The following TCTN3 variants were observed in gnomAD, a reference collection of about 807,000 sequenced individuals.
The protein encoded by TCTN3 is tectonic family member 3.
Under a neutral mutation model 71.3 loss-of-function variants are expected in TCTN3, and 57 were observed. That is an observed-to-expected ratio of 0.80 (90% CI 0.65 to 1.00). The LOEUF is 1.00. TCTN3 is among the 50% of genes least tolerant of loss of function. The pLI is 0.00. For synonymous variants in TCTN3, 258 were observed against 267.8 expected (o/e 0.96, Z 0.36); for missense variants, 696 against 719.9 (o/e 0.97, Z 0.38).
chr10:95,689,551 A>G (rs974060976), intron 3 of TCTN3, among the ~76,000 whole-genome samples: 2 of 152,220 alleles, frequency 1.3e-5, no homozygotes, highest in African/African-American at 4.8e-5. Context: ...GCTAAGAAAG[A>G]AGGTGAACTG....
Position 95,682,804 on chromosome 10 carries a change from C to T in TCTN3, c.1299G>A (p.Arg433=), listed in dbSNP as rs765253544. ...AGTGGCTGCAGTCTGCCTTCTTCAACCTATAATTAAACACCATGGAGGCTG... is the reference window on the plus strand; with the variant it reads ...AGTGGCTGCAGTCTGCCTTCTTCAATCTATAATTAAACACCATGGAGGCTG... ...GVNAISGCKL[R]LKKADCSHLQ... The change falls in exon 12 of 14, where the codon AGG becomes AGA. Residue 433 remains arginine, a splice_region_variant and synonymous_variant. Coordinates refer to ENST00000371217, the MANE Select transcript of TCTN3 (RefSeq NM_015631.6). 2.5e-6 allele frequency: 4 copies of T among 1,613,324 alleles called. 1 individual carries two copies. Among genetic ancestry groups the T allele is most frequent in the Middle Eastern group, 1.7e-4 (1 of 6,048 alleles).
intron 12 of TCTN3, among the ~76,000 whole-genome samples, chr10:95,681,611 T>A (rs1158131236): frequency 2.0e-5 from 3 of 152,212 alleles, no homozygotes; most frequent in Non-Finnish European, 4.4e-5. Flanking sequence ...AATGCAGTAC[T>A]CCAGGAGGAT....
rs527640694 is a variant in TCTN3, at chr10:95,664,187, G to A, written c.1704C>T (p.Phe568=). 1.5e-5 allele frequency: 25 copies of A among 1,614,178 alleles called. No individual in the cohort carries two copies. In the Admixed American group the frequency reaches 1.8e-4, roughly 12 times the overall value. Residue 568 remains phenylalanine (F), a synonymous_variant, in exon 14 of 14, where the codon TTC becomes TTT. Coordinates refer to ENST00000371217, the MANE Select transcript of TCTN3 (RefSeq NM_015631.6). ...ATGCCACTTTGAAGGGAAAGAAGTC[G>A]AATGGCCATTTCCAGTCCATTTTGG... ...GQPKMDWKWP[F]DFFPFKVAFS... is the part of the protein sequence containing the mutation.
At chr10:95,687,417 G>T in intron 4 of TCTN3, 62 bp from the exon 5 acceptor site, 1 of 1,521,080 alleles carries the variant, frequency 6.6e-7, no homozygotes, top group African/African-American at 1.4e-5. Flanking sequence ...CAACAGAAAA[G>T]AAAGAGTAGA....
chr10:95,663,980 G>A lies in TCTN3; in HGVS notation c.*87C>T, dbSNP rs1343793616. On this transcript the variant is annotated 3_prime_UTR_variant, in exon 14 of 14. Coordinates refer to ENST00000371217, the MANE Select transcript of TCTN3 (RefSeq NM_015631.6). ...ATTATCCTAAATGCTCTCTGGTCATGAGCAGGTGAGGTTCTATTTAGCCAA... is the reference window on the plus strand; with the variant it reads ...ATTATCCTAAATGCTCTCTGGTCATAAGCAGGTGAGGTTCTATTTAGCCAA... The A allele has an allele frequency of 2.9e-6, 3 of 1,046,538 alleles. No homozygotes were observed. Among genetic ancestry groups the A allele is most frequent in the Non-Finnish European group, 1.5e-6 (1 of 679,310 alleles). The allele number at this position is 1,046,538 out of a possible 1,614,324, so 64.8% of individuals were successfully genotyped here. A position where few individuals can be genotyped will look rare whatever the true frequency, so the allele number is the denominator to read the frequency against.
chr10:95,671,380 C>T (rs1055023416), intron 13 of TCTN3, among the ~76,000 whole-genome samples: 1 of 152,178 alleles, frequency 6.6e-6, no homozygotes, highest in Non-Finnish European at 1.5e-5. Flanking sequence ...ATTCAATTTA[C>T]AGTACAATAA....
chr10:95,686,467 C>A (rs758010084), intron 7 of TCTN3, 28 bp downstream of exon 7: 1 of 1,611,840 alleles, frequency 6.2e-7, no homozygotes, highest in Non-Finnish European at 8.5e-7. Flanking sequence ...TATTCTTTTT[C>A]TTTTTTCCTG....
chr10:95,693,144 G>T, intron 2 of TCTN3, 106 bp from the exon 3 acceptor site: 1 of 1,181,930 alleles, frequency 8.5e-7, no homozygotes, highest in South Asian at 1.4e-5. Flanking sequence ...GGACTCCTTG[G>T]GCACCTATAG....
intron 3 of TCTN3, among the ~76,000 whole-genome samples, chr10:95,689,827 C>G (rs184492608): frequency 6.6e-6 from 1 of 152,252 alleles, no homozygotes; most frequent in East Asian, 1.9e-4. Context: ...AAATTTGGAT[C>G]CTCAGAGGTA....
Position 95,663,879 on chromosome 10 carries a change from T to C in TCTN3, c.*188A>G, listed in dbSNP as rs2097923736. 7.0e-6 allele frequency: 4 copies of C among 569,734 alleles called. No homozygotes were observed. Among genetic ancestry groups the C allele is most frequent in the Admixed American group, 6.1e-5 (2 of 32,728 alleles). 35.3% of individuals were successfully genotyped at this position (569,734 alleles called of 1,614,324 possible). ...CTGCAGAGCCCAAAGCAGAGAGCTA[T>C]GATGAATAAAATATTTTTATTGCTT... On this transcript the variant is annotated 3_prime_UTR_variant, in exon 14 of 14. Transcript: ENST00000371217.
intron 9 of TCTN3, 138 bp from the exon 10 acceptor site, chr10:95,683,767 A>G: frequency 1.6e-6 from 1 of 628,150 alleles, no homozygotes; most frequent in Non-Finnish European, 2.6e-6. Flanking sequence ...GCTTCTTTCC[A>G]CAGTGTAGCA....
intron 12 of TCTN3, 104 bp downstream of exon 12, chr10:95,682,547 C>T (rs2097944016): frequency 9.0e-6 from 12 of 1,333,722 alleles, no homozygotes; most frequent in Non-Finnish European, 1.2e-5. Context: ...CCTTCTATGA[C>T]AAATGCATTA....
At position 95,682,766 on chromosome 10, in the gene TCTN3, A is replaced by G; in HGVS notation, c.1337T>C (p.Ile446Thr). Reference protein sequence around the residue: ...KADCSHLQQEIYQTLHGRPRP... With the variant: ...KADCSHLQQETYQTLHGRPRP... ...GGGCCTTCCATGAAGAGTCTGATAA[A>G]TCTCCTGCTGCAAGTGGCTGCAGTC... The change falls in exon 12 of 14, where the codon ATT (isoleucine) becomes ACT (threonine). Residue 446 changes from isoleucine (I) to threonine (T), a missense_variant. Ile to Thr is a moderately conservative substitution (Grantham distance 89, BLOSUM62 -1). Transcript: ENST00000371217. 1 of 1,614,116 alleles carries G rather than the reference A, an allele frequency of 6.2e-7. No homozygotes were observed. The highest frequency in any genetic ancestry group is 8.5e-7 in the Non-Finnish European group (1 of 1,180,012).
Position 95,685,539 on chromosome 10 carries a change from G to A in TCTN3, c.969+17C>T, listed in dbSNP as rs2139744560. The stretch of plus-strand genomic sequence containing the variant: ...ATTAACACACATCAGTCCAGAATCT[G>A]AGGTCAGTATCCCTACCTGAGAAAC... On this transcript the variant is annotated intron_variant, in intron 8 of 13. Coordinates refer to ENST00000371217, the MANE Select transcript of TCTN3 (RefSeq NM_015631.6). The A allele has an allele frequency of 6.5e-7, 1 of 1,542,988 alleles. No homozygotes were observed. Among genetic ancestry groups the A allele is most frequent in the Non-Finnish European group, 8.8e-7 (1 of 1,139,312 alleles).
rs1295784696 is a variant in TCTN3 at position 95,683,545 on chromosome 10, G to T, written c.1180C>A (p.Leu394Met). 1 of 1,614,064 alleles carries T rather than the reference G, an allele frequency of 6.2e-7. No homozygotes were observed. Among genetic ancestry groups the T allele is most frequent in the East Asian group, 2.2e-5 (1 of 44,894 alleles). Reference protein sequence around the residue: ...GYIVGKPLLALTDDISYSMTL... With the variant: ...GYIVGKPLLAMTDDISYSMTL... Reference sequence around the variant, plus strand: ...ACTGAGTAACTTATATCATCAGTCAGAGCCAAGAGTGGCTTCCCAACTATA... The same window carrying T: ...ACTGAGTAACTTATATCATCAGTCATAGCCAAGAGTGGCTTCCCAACTATA... Residue 394 changes from leucine to methionine, a missense_variant, in exon 10 of 14, where the codon CTG (leucine) becomes ATG (methionine). Transcript: ENST00000371217.
rs563023076 is a variant in TCTN3 at position 95,681,428 on chromosome 10, T to A, written c.1453-819A>T. 3.3e-5 allele frequency among the ~76,000 whole-genome samples: 5 copies of A among 152,312 alleles called. No individual in the cohort carries two copies. The South Asian group carries it at 1.0e-3, about 32-fold the overall frequency. On this transcript the variant is annotated intron_variant, in intron 12 of 13. Coordinates refer to ENST00000371217, the MANE Select transcript of TCTN3 (RefSeq NM_015631.6). ...TGAGTATCTCCTATGTGTGAGCTGCTTAGTAGGCACTGGCTTGAGCAGATC... is the reference window on the plus strand; with the variant it reads ...TGAGTATCTCCTATGTGTGAGCTGCATAGTAGGCACTGGCTTGAGCAGATC...
intron 13 of TCTN3, among the ~76,000 whole-genome samples, chr10:95,670,979 A>G (rs1210509207): frequency 4.6e-5 from 7 of 152,170 alleles, no homozygotes; most frequent in Non-Finnish European, 1.0e-4. Context: ...CCATTTTAGA[A>G]TTTGAGTTTT....
intron 13 of TCTN3, among the ~76,000 whole-genome samples, chr10:95,668,717 T>C (rs1393114010): frequency 6.6e-6 from 1 of 152,156 alleles, no homozygotes; most frequent in Non-Finnish European, 1.5e-5. Flanking sequence ...CGAAGTAGTG[T>C]CCAGTAAACA....
chr10:95,678,590 C>G (rs898766426), intron 13 of TCTN3, among the ~76,000 whole-genome samples: 1 of 148,656 alleles, frequency 6.7e-6, no homozygotes, highest in East Asian at 2.0e-4. Flanking sequence ...CCTGTGTGGA[C>G]GGAGAAGTGA....
Sources: allele counts gnomAD v4.1 joint callset (sites outside exome capture counted in the v4.1 genomes callset), GRCh38; gene constraint gnomAD v4.1.1; transcripts MANE v1.5; gene names NCBI Gene and HGNC (gene_info 2026-07-23, HGNC 2026-07-21).